The following PKM variants were observed in gnomAD, a reference collection of about 807,000 sequenced individuals.
PKM encodes pyruvate kinase M1/2.
Under a neutral mutation model 49.8 loss-of-function variants are expected in PKM, and 18 were observed. That is an observed-to-expected ratio of 0.36 (90% CI 0.25 to 0.54). PKM has a LOEUF of 0.54. PKM is among the 20% of genes least tolerant of loss of function. The pLI, the probability that PKM is intolerant of heterozygous loss-of-function variation, is 0.89. For synonymous variants in PKM, 239 were observed against 261.8 expected, an observed-to-expected ratio of 0.91 and a Z score of 0.84; for missense variants, 508 against 713.8, an observed-to-expected ratio of 0.71 and a Z score of 3.28.
intron 3 of PKM, among the ~76,000 whole-genome samples, chr15:72,211,862 T>C (rs1043985312): frequency 4.0e-5 from 6 of 150,440 alleles, no homozygotes; most frequent in Admixed American, 2.0e-4. Flanking sequence ...AGCTCTAAGA[T>C]AGTGTCATCA....
chr15:72,202,931 G>T lies in PKM; in HGVS notation c.1141-311C>A. 1 of 1,313,690 alleles carries T rather than the reference G, an allele frequency of 7.6e-7. No individual in the cohort carries two copies. The highest frequency in any genetic ancestry group is 1.1e-6 in the Non-Finnish European group (1 of 915,730). The allele number at this position is 1,313,690 out of a possible 1,614,324, so 81.4% of individuals were successfully genotyped here. On this transcript the variant is annotated intron_variant, in intron 8 of 10. Transcript: ENST00000335181. The surrounding 1 kb of genome is among the most constrained non-coding windows in gnomAD (Gnocchi z 4.5). ...CAGACGAGAAGAGGCTCTGTGCCCA[G>T]ATGCCAGGTTGGGCCTGGCTGTCTT...
At chr15:72,223,781 T>C (rs1439056736) in intron 1 of PKM, among the ~76,000 whole-genome samples, 1 of 152,120 alleles carries the variant, frequency 6.6e-6, no homozygotes, top group African/African-American at 2.4e-5. Context: ...GGATAAGATA[T>C]CTTCTAGCTA....
At chr15:72,227,559 C>T (rs1468631333) in intron 1 of PKM, among the ~76,000 whole-genome samples, 2 of 151,952 alleles carry the variant, frequency 1.3e-5, no homozygotes, top group Non-Finnish European at 2.9e-5. Context: ...GCCTGGCCAA[C>T]ATGGTGAAAC....
intron 1 of PKM, among the ~76,000 whole-genome samples, chr15:72,224,648 AG>A (rs1219904782): frequency 1.3e-5 from 2 of 152,082 alleles, no homozygotes; most frequent in Non-Finnish European, 2.9e-5. Context: ...AGATCACTTG[AG>A]GCTAAGAGTT....
chr15:72,202,737 TG>T lies in PKM; in HGVS notation c.1141-118del. ...GGACAGCTGGTGAGGAACATGTTCCTGGGAACAAAGGCCAAGAGGAGCCCAA... is the reference window on the plus strand; with the variant it reads ...GGACAGCTGGTGAGGAACATGTTCCTGGAACAAAGGCCAAGAGGAGCCCAA... On this transcript the variant is annotated intron_variant, in intron 8 of 10. Coordinates refer to ENST00000335181, the MANE Select transcript of PKM (RefSeq NM_002654.6). This position sits in a 1 kb window ranked among gnomAD's most constrained non-coding sequence, Gnocchi z 4.5. 1.0e-6 allele frequency: 1 copy of T among 955,354 alleles called. No homozygotes were observed. Among genetic ancestry groups the T allele is most frequent in the Non-Finnish European group, 1.6e-6 (1 of 618,816 alleles). The allele number at this position is 955,354 out of a possible 1,614,324, so 59.2% of individuals were successfully genotyped here.
At chr15:72,231,417 A>G (rs1417613454), upstream of PKM, 1 of 152,730 alleles carries the variant, frequency 6.5e-6, no homozygotes, top group Non-Finnish European at 1.5e-5. Flanking sequence ...ACAGATTCAG[A>G]GTCACATTTT....
intron 1 of PKM, chr15:72,219,462 C>A (rs377236157): frequency 1.7e-3 from 307 of 182,480 alleles, no homozygotes; most frequent in African/African-American, 6.7e-3. Context: ...TTAACATGCA[C>A]TGAAGGAGCT....
At position 72,202,630 on chromosome 15, in the gene PKM, C is replaced by T; in HGVS notation, c.1141-10G>A. On this transcript the variant is annotated splice_polypyrimidine_tract_variant and intron_variant, in intron 8 of 10. Transcript: ENST00000335181. The surrounding 1 kb of genome is among the most constrained non-coding windows in gnomAD (Gnocchi z 4.5). Reference sequence around the variant, plus strand: ...CTGCCTCACGGGCAATCTAGGGGAGCAACATCCGTCCAGAGGGACGAGAGG... The same window carrying T: ...CTGCCTCACGGGCAATCTAGGGGAGTAACATCCGTCCAGAGGGACGAGAGG... 1.9e-6 allele frequency: 3 copies of T among 1,611,010 alleles called. No homozygotes were observed. In the East Asian group the frequency reaches 6.7e-5, roughly 36 times the overall value.
intron 8 of PKM, among the ~76,000 whole-genome samples, chr15:72,205,406 A>G (rs1257449589): frequency 6.6e-6 from 1 of 152,188 alleles, no homozygotes; most frequent in African/African-American, 2.4e-5. Flanking sequence ...GGTGTGAGCC[A>G]CCATCCCTGG....
chr15:72,224,013 T>C (rs2082596255), intron 1 of PKM, among the ~76,000 whole-genome samples: 1 of 150,478 alleles, frequency 6.6e-6, no homozygotes, highest in Non-Finnish European at 1.5e-5. Flanking sequence ...CCAACTAGAG[T>C]GTGGAATAGG....
At chr15:72,217,525 C>A (rs1230684710) in intron 2 of PKM, 25 bp from the exon 3 acceptor site, 1 of 1,362,196 alleles carries the variant, frequency 7.3e-7, no homozygotes, top group Non-Finnish European at 1.1e-6. Flanking sequence ...TTTAAAGCCA[C>A]AAGTATTAAT....
intron 1 of PKM, among the ~76,000 whole-genome samples, chr15:72,226,621 C>T (rs1233231940): frequency 6.6e-6 from 1 of 152,240 alleles, no homozygotes; most frequent in Non-Finnish European, 1.5e-5. Flanking sequence ...GGACTCCCTT[C>T]AGAGAATCTT....
intron 1 of PKM, chr15:72,221,409 A>T (rs2082519214): frequency 1.9e-5 from 11 of 577,982 alleles, no homozygotes; most frequent in Non-Finnish European, 3.4e-5. Context: ...TGTCTCTTTA[A>T]ACCTGTGATT....
intron 3 of PKM, among the ~76,000 whole-genome samples, chr15:72,212,896 C>A (rs1200996547): frequency 1.3e-5 from 2 of 152,014 alleles, no homozygotes; most frequent in Non-Finnish European, 2.9e-5. Context: ...ATGGTGAAAC[C>A]CCGTCTCTAC....
chr15:72,217,478 C>A lies in PKM; in HGVS notation c.177G>T (p.Glu59Asp). 2.5e-6 allele frequency: 4 copies of A among 1,610,750 alleles called. No homozygotes were observed. Among genetic ancestry groups the A allele is most frequent in the Non-Finnish European group, 3.4e-6 (4 of 1,176,932 alleles). The change falls in exon 3 of 11, where the codon GAG becomes GAT. Residue 59 changes from glutamate (E) to aspartate (D), a missense_variant. Transcript: ENST00000335181. ...CAGACTTAATCATCTCCTTCAACGT[C>A]TCCACTGATCGGGAAGCTGGGCCTA... is the stretch of plus-strand genomic sequence containing the variant. ...CTIGPASRSV[E>D]TLKEMIKSGM...
chr15:72,230,935 G>C (rs903543481), intron 1 of PKM, 181 bp downstream of exon 1: 2 of 1,287,370 alleles, frequency 1.6e-6, no homozygotes, highest in African/African-American at 3.0e-5. Context: ...GACTTCTGAA[G>C]AGCAGGCCCC....
intron 4 of PKM, 114 bp from the exon 5 acceptor site, chr15:72,209,973 A>G (rs1240386295): frequency 2.0e-5 from 18 of 887,818 alleles, no homozygotes; most frequent in Non-Finnish European, 3.2e-5. Flanking sequence ...TCACTGCTAA[A>G]AGTAATACAG....
rs1596715173 is a variant in PKM, at chr15:72,200,790, A to C, written c.1308-135T>G. 1.4e-6 allele frequency: 1 copy of C among 721,052 alleles called. No homozygotes were observed. Among genetic ancestry groups the C allele is most frequent in the Non-Finnish European group, 2.3e-6 (1 of 441,754 alleles). The allele number at this position is 721,052 out of a possible 1,614,324, so 44.7% of individuals were successfully genotyped here. The stretch of plus-strand genomic sequence containing the variant: ...GCCTCTTCAACATCTGCTCCCTAGG[A>C]CCCCTCCCGAGGCTCGGGCAGCCCC... On this transcript the variant is annotated intron_variant, in intron 9 of 10. Transcript: ENST00000335181. This position sits in a 1 kb window ranked among gnomAD's most constrained non-coding sequence, Gnocchi z 4.6.
rs374353150 is a variant in PKM at position 72,224,974 on chromosome 15, T to C, written c.-13-5864A>G. 1.1e-4 allele frequency among the ~76,000 whole-genome samples: 16 copies of C among 142,994 alleles called. No individual in the cohort carries two copies. The East Asian group carries it at 2.7e-3, about 24-fold the overall frequency. The allele number at this position is 142,994 out of a possible 152,430, so 93.8% of individuals were successfully genotyped here. ...TCTCGCTCTGTTGCCCAGGCTGGAG[T>C]GCACTGGCGCGATCTCAGCTCACTG... On this transcript the variant is annotated intron_variant, in intron 1 of 10. Transcript: ENST00000335181.
Sources: allele counts gnomAD v4.1 joint callset (sites outside exome capture counted in the v4.1 genomes callset), GRCh38; gene constraint gnomAD v4.1.1; non-coding constraint Gnocchi (gnomAD v3.1); transcripts MANE v1.5; gene names NCBI Gene and HGNC (gene_info 2026-07-23, HGNC 2026-07-21).